Variants in ABCC1 observed in about 807,000 individuals in gnomAD.
ABCC1 encodes ATP binding cassette subfamily C member 1 (ABCC1 blood group).
Under a neutral mutation model 172.9 loss-of-function variants are expected in ABCC1, and 83 were observed. The observed-to-expected ratio is 0.48, with a 90% CI of 0.40 to 0.58. The LOEUF (loss-of-function observed/expected upper bound fraction) is 0.58, where lower values mean the gene tolerates loss of function less well. ABCC1 is among the 20% of genes least tolerant of loss of function. The pLI, the probability that ABCC1 is intolerant of heterozygous loss-of-function variation, is 0.00. For missense variants in ABCC1, 1,817 were observed against 2,002.7 expected, an observed-to-expected ratio of 0.91 and a Z score of 1.77; for synonymous variants, 937 against 825.2, an observed-to-expected ratio of 1.14 and a Z score of -2.32.
chr16:16,043,171 A>G (rs1164142984), intron 7 of ABCC1, among the ~76,000 whole-genome samples: 1 of 147,248 alleles, frequency 6.8e-6, no homozygotes, highest in African/African-American at 2.6e-5. Flanking sequence ...TCAAAAAAAA[A>G]ATTTTTTTTT....
At chr16:16,139,076 A>G (rs949896168) in intron 30 of ABCC1, among the ~76,000 whole-genome samples, 1 of 152,214 alleles carries the variant, frequency 6.6e-6, no homozygotes, top group Non-Finnish European at 1.5e-5. Flanking sequence ...GTTCCCAGAC[A>G]CTGGGGACTC....
chr16:16,091,624 A>G (rs1335307901), intron 19 of ABCC1, among the ~76,000 whole-genome samples: 2 of 152,172 alleles, frequency 1.3e-5, no homozygotes, highest in African/African-American at 4.8e-5. Flanking sequence ...CAAAGGCCTC[A>G]GGACCAGCAT....
rs914858698 is a variant in ABCC1, at chr16:16,134,629, T to G, written c.4125+121T>G. 29 of 110,180 alleles carry G rather than the reference T, an allele frequency of 2.6e-4. No homozygotes were observed. In the African/African-American group the frequency reaches 3.1e-3, roughly 12 times the overall value. The allele number at this position is 110,180 out of a possible 1,614,324, so 6.8% of individuals were successfully genotyped here. A position where few individuals can be genotyped will look rare whatever the true frequency, so the allele number is the denominator to read the frequency against. ...ATTTGGCCCTACTTCATCGTTCTTT[T>G]TTTTTTTTTTTTTTTTTTTTTTCCT... On this transcript the variant is annotated intron_variant, in intron 28 of 30. Coordinates refer to ENST00000399410, the MANE Select transcript of ABCC1 (RefSeq NM_004996.4).
At position 16,068,162 on chromosome 16, in the gene ABCC1, T is replaced by C. The variant is rs35605; in HGVS notation, c.1684T>C (p.Leu562=). The part of the protein sequence containing the change: ...TWVCTPFLVA[L]CTFAVYVTID... ...CTGGGCGTTCTGCTTGCAGGTGGCC[T>C]TGTGCACATTTGCCGTCTACGTGAC... Residue 562 remains leucine, a synonymous_variant, in exon 13 of 31, where the codon TTG becomes CTG. Coordinates refer to ENST00000399410, the MANE Select transcript of ABCC1 (RefSeq NM_004996.4). 1,319,226 of 1,613,856 alleles carry C rather than the reference T, an allele frequency of 0.82. 542,071 individuals are homozygous for C. Among genetic ancestry groups the C allele is most frequent in the African/African-American group, 0.88 (65,714 of 74,994 alleles).
intron 29 of ABCC1, among the ~76,000 whole-genome samples, chr16:16,136,988 C>T (rs756494880): frequency 2.0e-5 from 3 of 152,156 alleles, no homozygotes; most frequent in Non-Finnish European, 4.4e-5. Flanking sequence ...ATGCACTACC[C>T]CAGCTGTCTT....
chr16:15,972,160 T>C (rs1469183540), intron 1 of ABCC1, among the ~76,000 whole-genome samples: 1 of 152,138 alleles, frequency 6.6e-6, no homozygotes, highest in Non-Finnish European at 1.5e-5. Flanking sequence ...CGCAGGATCA[T>C]GTCACTAGCA....
At chr16:16,091,985 C>T (rs1049441217) in intron 19 of ABCC1, among the ~76,000 whole-genome samples, 2 of 152,208 alleles carry the variant, frequency 1.3e-5, no homozygotes, top group Non-Finnish European at 2.9e-5. Context: ...CGCCTGTAAT[C>T]CCAGCACTGT....
intron 17 of ABCC1, among the ~76,000 whole-genome samples, chr16:16,085,645 TG>T (rs1427813647): frequency 6.6e-6 from 1 of 152,182 alleles, no homozygotes; most frequent in East Asian, 1.9e-4. Context: ...CCAGGCATGG[TG>T]CCGTGCACCT....
At chr16:16,023,344 G>A (rs1314928652) in intron 5 of ABCC1, among the ~76,000 whole-genome samples, 1 of 152,154 alleles carries the variant, frequency 6.6e-6, no homozygotes, top group African/African-American at 2.4e-5. Flanking sequence ...TACATACAGT[G>A]AAATTGCTGA....
intron 1 of ABCC1, among the ~76,000 whole-genome samples, chr16:15,977,095 G>A (rs140540821): frequency 7.2e-5 from 11 of 152,340 alleles, no homozygotes; most frequent in African/African-American, 1.2e-4. Flanking sequence ...GAGATGGAAG[G>A]CTCTGGGGTC....
At chr16:15,970,344 T>C (rs2046337757) in intron 1 of ABCC1, among the ~76,000 whole-genome samples, 1 of 152,222 alleles carries the variant, frequency 6.6e-6, no homozygotes, top group South Asian at 2.1e-4. Context: ...ACGTCTCTCC[T>C]CGTCACATCC....
chr16:16,131,380 TC>T (rs2045666616), intron 26 of ABCC1, among the ~76,000 whole-genome samples: 1 of 152,190 alleles, frequency 6.6e-6, no homozygotes, highest in African/African-American at 2.4e-5. Flanking sequence ...TTGTTTATGT[TC>T]ATAAATGTGT....
intron 3 of ABCC1, among the ~76,000 whole-genome samples, chr16:16,013,996 C>T (rs750893725): frequency 9.9e-5 from 15 of 152,134 alleles, no homozygotes; most frequent in Non-Finnish European, 1.9e-4. Context: ...ACTGGGTTCT[C>T]TGCCTGTTCT....
chr16:16,128,458 T>C (rs183749550), intron 26 of ABCC1, among the ~76,000 whole-genome samples: 52 of 152,264 alleles, frequency 3.4e-4, no homozygotes, highest in African/African-American at 1.2e-3. Context: ...CTGAGTTCAG[T>C]TTTTAAAAGC....
intron 20 of ABCC1, among the ~76,000 whole-genome samples, chr16:16,105,698 TC>T (rs1221758792): frequency 1.4e-5 from 2 of 138,214 alleles, no homozygotes; most frequent in African/African-American, 5.6e-5. Context: ...CTCCATAATT[TC>T]TTTTCTTTTC....
chr16:16,122,204 G>T (rs771290057), intron 24 of ABCC1, 30 bp downstream of exon 24: 2 of 1,611,598 alleles, frequency 1.2e-6, no homozygotes, highest in Non-Finnish European at 1.7e-6. Context: ...AGGAGCGGGT[G>T]GAGGAGGCCG....
chr16:16,123,652 GAATAA>G (rs562779724), intron 24 of ABCC1, among the ~76,000 whole-genome samples: 3,603 of 151,572 alleles, frequency 0.024, 66 homozygotes, highest in Middle Eastern at 0.044. Flanking sequence ...GAGAAGAGAA[GAATAA>G]AATAAAAAGT....
At chr16:16,107,349 G>A (rs536350678) in intron 21 of ABCC1, among the ~76,000 whole-genome samples, 126 of 152,256 alleles carry the variant, frequency 8.3e-4, no homozygotes, top group African/African-American at 2.9e-3. Flanking sequence ...GAGTGCAGTG[G>A]TGCGATCTCG....
rs188283567 is a variant in ABCC1, at chr16:15,958,129, G to A, written c.48+8330G>A. Among the ~76,000 whole-genome samples the A allele has an allele frequency of 3.3e-3, 501 of 151,810 alleles. 2 individuals carry two copies. Among genetic ancestry groups the A allele is most frequent in the African/African-American group, 0.01 (419 of 41,398 alleles). On this transcript the variant is annotated intron_variant, in intron 1 of 30. Coordinates refer to ENST00000399410, the MANE Select transcript of ABCC1 (RefSeq NM_004996.4). ...TTATTTTATATTATTTTTTTGAGAC[G>A]AAGTCTCGCTCTGTCACCCAGGCTG...
Sources: allele counts gnomAD v4.1 joint callset (sites outside exome capture counted in the v4.1 genomes callset), GRCh38; gene constraint gnomAD v4.1.1; transcripts MANE v1.5; gene names NCBI Gene and HGNC (gene_info 2026-07-23, HGNC 2026-07-21).